The following PCDHA13 variants were observed in gnomAD, a reference collection of about 807,000 sequenced individuals.
The protein encoded by PCDHA13 is protocadherin alpha-13.
Under a neutral mutation model 64.8 loss-of-function variants are expected in PCDHA13, and 54 were observed. The observed-to-expected ratio is 0.83, with a 90% CI of 0.67 to 1.04. The LOEUF (loss-of-function observed/expected upper bound fraction) is 1.04. Ranked by LOEUF, PCDHA13 falls within the 50% of genes least tolerant of loss-of-function variation. The pLI is 0.00. For synonymous variants in PCDHA13, 587 were observed against 564.4 expected (o/e 1.04, Z -0.57); for missense variants, 1,248 against 1,254.3 (o/e 0.99, Z 0.08).
intron 1 of PCDHA13, among the ~76,000 whole-genome samples, chr5:140,925,455 T>C (rs1367623051): frequency 6.6e-6 from 1 of 152,106 alleles, no homozygotes; most frequent in Non-Finnish European, 1.5e-5. Flanking sequence ...GGTGTATCTG[T>C]TGTGGCTCAG....
chr5:140,928,296 T>C (rs2085128137), intron 1 of PCDHA13: 6 of 1,614,054 alleles, frequency 3.7e-6, no homozygotes, highest in African/African-American at 1.3e-5. Flanking sequence ...GCCGAGTGTT[T>C]GCCCAGGACC....
At chr5:140,926,789 G>A in intron 1 of PCDHA13, 1 of 1,432,318 alleles carries the variant, frequency 7.0e-7, no homozygotes, top group East Asian at 2.5e-5. Flanking sequence ...CGGCCGGCAG[G>A]AGCGTGCTCT....
chr5:140,984,969 G>A (rs1045140349), intron 3 of PCDHA13, among the ~76,000 whole-genome samples: 8 of 151,670 alleles, frequency 5.3e-5, no homozygotes, highest in South Asian at 2.1e-4. Context: ...ACAGAGTCTC[G>A]CTCTGTCCCC....
At chr5:140,926,139 C>A (rs1434952263) in intron 1 of PCDHA13, among the ~76,000 whole-genome samples, 11 of 152,088 alleles carry the variant, frequency 7.2e-5, no homozygotes, top group Non-Finnish European at 1.5e-4. Flanking sequence ...GCAGCAGGAT[C>A]CAGCGCGGAA....
At chr5:140,897,610 C>T (rs1439314706) in intron 1 of PCDHA13, among the ~76,000 whole-genome samples, 2 of 152,078 alleles carry the variant, frequency 1.3e-5, no homozygotes, top group East Asian at 1.9e-4. Context: ...TGGGTTGGTT[C>T]CAAGTCTTTA....
chr5:140,953,464 T>C (rs2094890309), intron 1 of PCDHA13, among the ~76,000 whole-genome samples: 1 of 152,142 alleles, frequency 6.6e-6, no homozygotes. Flanking sequence ...GTCAGAGTTT[T>C]AACTTCCTCA....
intron 1 of PCDHA13, among the ~76,000 whole-genome samples, chr5:140,886,964 A>T (rs2061244320): frequency 6.6e-6 from 1 of 152,114 alleles, no homozygotes; most frequent in Admixed American, 6.5e-5. Context: ...TTAGCAACGA[A>T]ATTTATTATT....
At chr5:140,932,375 G>A (rs192897336) in intron 1 of PCDHA13, among the ~76,000 whole-genome samples, 31 of 151,942 alleles carry the variant, frequency 2.0e-4, no homozygotes, top group Non-Finnish European at 3.0e-5. Context: ...ATTTCCACAT[G>A]AAAGTTATAC....
intron 1 of PCDHA13, among the ~76,000 whole-genome samples, chr5:140,912,746 A>G (rs1322674627): frequency 6.6e-6 from 1 of 152,200 alleles, no homozygotes; most frequent in Admixed American, 6.5e-5. Flanking sequence ...TGGGTCTGTC[A>G]TAGATGGCTT....
chr5:140,982,633 A>G (rs2096992474), intron 3 of PCDHA13, 70 bp downstream of exon 3: 1 of 1,557,590 alleles, frequency 6.4e-7, no homozygotes, highest in Non-Finnish European at 8.7e-7. Flanking sequence ...CTTTTGTAAG[A>G]TCAGGAATGT....
Position 140,969,197 on chromosome 5 carries a change from A to G in PCDHA13, c.2395-9752A>G, listed in dbSNP as rs782342139. 4 of 1,614,132 alleles carry G rather than the reference A, an allele frequency of 2.5e-6. No individual in the cohort carries two copies. In the South Asian group the frequency reaches 4.4e-5, roughly 18 times the overall value. On this transcript the variant is annotated intron_variant, in intron 1 of 3. Coordinates refer to ENST00000289272, the MANE Select transcript of PCDHA13 (RefSeq NM_018904.3). ...GAGTGACACTTTCATGTTTTACAAT[A>G]CAGGGGCCCAGACAGGACCAGGGCC...
rs1554178015 is a variant in PCDHA13 at position 140,883,392 on chromosome 5, C to A, written c.1124C>A (p.Ser375Tyr). 1.9e-6 allele frequency: 3 copies of A among 1,614,184 alleles called. No individual in the cohort carries two copies. The East Asian group carries it at 6.7e-5, about 36-fold the overall frequency. ...GCCATTATTGCCCTAATCAGTGTGT[C>A]CGATCGTGACTCTGGCTCAAATGGA... is the stretch of plus-strand genomic sequence containing the variant. Reference protein sequence around the residue: ...PSAIIALISVSDRDSGSNGQV... With the variant: ...PSAIIALISVYDRDSGSNGQV... The change falls in exon 1 of 4, where the codon TCC (serine) becomes TAC (tyrosine). Residue 375 changes from serine to tyrosine, a missense_variant. Transcript: ENST00000289272.
chr5:140,907,034 C>G (rs1554192846), intron 1 of PCDHA13, among the ~76,000 whole-genome samples: 1 of 152,142 alleles, frequency 6.6e-6, no homozygotes, highest in Admixed American at 6.5e-5. Context: ...AACATAATGT[C>G]ACAGGGACAG....
chr5:140,969,110 C>T (rs1380719565), intron 1 of PCDHA13: 5 of 1,614,064 alleles, frequency 3.1e-6, no homozygotes, highest in Non-Finnish European at 3.4e-6. Flanking sequence ...CATTGAAGTT[C>T]GAGGGAATGG....
intron 3 of PCDHA13, among the ~76,000 whole-genome samples, chr5:140,988,678 T>G (rs190740461): frequency 6.6e-6 from 1 of 152,314 alleles, no homozygotes. Context: ...CTAAGATAAT[T>G]CTTTCCCTAG....
chr5:140,964,747 G>C (rs1170890203), intron 1 of PCDHA13, among the ~76,000 whole-genome samples: 3 of 151,868 alleles, frequency 2.0e-5, no homozygotes, highest in Non-Finnish European at 4.4e-5. Context: ...AATTATTGTA[G>C]GGATGTTTGG....
rs553749529 is a variant in PCDHA13, at chr5:140,931,877, G to C, written c.2395-47072G>C. 3.3e-5 allele frequency among the ~76,000 whole-genome samples: 5 copies of C among 151,886 alleles called. No individual in the cohort carries two copies. The South Asian group carries it at 8.3e-4, about 25-fold the overall frequency. The stretch of plus-strand genomic sequence containing the variant: ...GGATTCTAGAAATAAAATATTTATT[G>C]CTTTCATTTTATTTCAAATCATTTG... On this transcript the variant is annotated intron_variant, in intron 1 of 3. Coordinates refer to ENST00000289272, the MANE Select transcript of PCDHA13 (RefSeq NM_018904.3).
At chr5:140,996,226 G>C (rs2097717630) in intron 3 of PCDHA13, among the ~76,000 whole-genome samples, 1 of 152,196 alleles carries the variant, frequency 6.6e-6, no homozygotes, top group South Asian at 2.1e-4. Context: ...GTCTAGAAAT[G>C]GTTGCTCAAG....
chr5:140,969,371 T>C (rs2096324872), intron 1 of PCDHA13: 1 of 1,607,688 alleles, frequency 6.2e-7, no homozygotes, highest in Non-Finnish European at 8.5e-7. Context: ...AACTCATGCA[T>C]TTGTTACACA....
Sources: allele counts gnomAD v4.1 joint callset (sites outside exome capture counted in the v4.1 genomes callset), GRCh38; gene constraint gnomAD v4.1.1; transcripts MANE v1.5; gene names NCBI Gene and HGNC (gene_info 2026-07-23, HGNC 2026-07-21).